SEPTIN11: variants seen among roughly 807,000 people sequenced by gnomAD.
The protein encoded by SEPTIN11 is septin-11.
SEPTIN11 carries 25 observed loss-of-function variants against 51.4 expected under a neutral mutation model. That is an observed-to-expected ratio of 0.49 (90% CI 0.35 to 0.68). The LOEUF (loss-of-function observed/expected upper bound fraction) is 0.68. SEPTIN11 is among the 30% of genes least tolerant of loss of function. SEPTIN11 has a pLI of 0.00. For synonymous variants in SEPTIN11, 174 were observed against 184.1 expected, an observed-to-expected ratio of 0.95 and a Z score of 0.44; for missense variants, 381 against 520.8, an observed-to-expected ratio of 0.73 and a Z score of 2.61.
At chr4:77,011,659 G>A (rs1724873828) in intron 3 of SEPTIN11, 76 bp from the exon 4 acceptor site, 7 of 1,378,982 alleles carry the variant, frequency 5.1e-6, no homozygotes, top group Non-Finnish European at 7.1e-6. Context: ...GAGAGAAGAA[G>A]CCATTGTGAT....
chr4:76,974,830 T>C, intron 1 of SEPTIN11: 1 of 456,614 alleles, frequency 2.2e-6, no homozygotes, highest in Non-Finnish European at 4.4e-6. Flanking sequence ...TTGTAAGAAA[T>C]GTGAGCGCTT....
intron 8 of SEPTIN11, among the ~76,000 whole-genome samples, chr4:77,029,467 C>T (rs542995385): frequency 1.3e-4 from 20 of 152,126 alleles, no homozygotes; most frequent in Admixed American, 5.9e-4. Context: ...TAAATTTCCT[C>T]GTTTTCTTGT....
downstream of SEPTIN11, chr4:77,039,841 CT>C: frequency 1.5e-6 from 1 of 650,126 alleles, no homozygotes; most frequent in Non-Finnish European, 1.9e-6. Flanking sequence ...ACTTGCATCC[CT>C]TATATAAGTT....
intron 1 of SEPTIN11, among the ~76,000 whole-genome samples, chr4:76,985,388 C>T (rs1047052637): frequency 1.6e-4 from 24 of 152,230 alleles, no homozygotes; most frequent in Admixed American, 6.5e-5. Flanking sequence ...TGATTCCCCT[C>T]CTCCCCCTAT....
Position 76,949,835 on chromosome 4 carries a change from C to G in SEPTIN11, c.-69C>G, listed in dbSNP as rs1721233345. The G allele has an allele frequency of 2.0e-6, 3 of 1,480,472 alleles. No homozygotes were observed. The Admixed American group carries it at 6.2e-5, about 31-fold the overall frequency. The allele number at this position is 1,480,472 out of a possible 1,614,324, so 91.7% of individuals were successfully genotyped here. A position where few individuals can be genotyped will look rare whatever the true frequency, so the allele number is the denominator to read the frequency against. On this transcript the variant is annotated 5_prime_UTR_variant, in exon 1 of 10. Transcript: ENST00000264893. ...GGCGCGAGGGAGGCGAGCCGGAGCCCGAGCACTAGCAGCAGCCGGAGTCGG... is the reference window on the plus strand; with the variant it reads ...GGCGCGAGGGAGGCGAGCCGGAGCCGGAGCACTAGCAGCAGCCGGAGTCGG...
chr4:76,960,849 A>T (rs1442468793), intron 1 of SEPTIN11, among the ~76,000 whole-genome samples: 2 of 152,192 alleles, frequency 1.3e-5, no homozygotes, highest in Non-Finnish European at 2.9e-5. Context: ...TGGAAAATGG[A>T]TCTCTTTGTC....
Position 77,030,771 on chromosome 4 carries a change from T to G in SEPTIN11, c.1087-12T>G, listed in dbSNP as rs757382983. 6.3e-7 allele frequency: 1 copy of G among 1,578,442 alleles called. No homozygotes were observed. Among genetic ancestry groups the G allele is most frequent in the South Asian group, 1.2e-5 (1 of 85,176 alleles). ...ATTCCATTCACCAAGCCTGTTTTCT[T>G]TTTCTCTCCAGCTTCACGAGAAGTT... On this transcript the variant is annotated splice_polypyrimidine_tract_variant and intron_variant, in intron 8 of 9. Coordinates refer to ENST00000264893, the MANE Select transcript of SEPTIN11 (RefSeq NM_018243.4).
rs376288572 is a variant in SEPTIN11 at position 77,020,717 on chromosome 4, G to A, written c.953+47G>A. 5 of 1,557,182 alleles carry A rather than the reference G, an allele frequency of 3.2e-6. No homozygotes were observed. In the East Asian group the frequency reaches 6.8e-5, roughly 21 times the overall value. ...AGGTGTCTCCCAGACAGTGGCGAGA[G>A]TGGCATGGTGGTACATCACAGAAAT... On this transcript the variant is annotated intron_variant, in intron 7 of 9. Coordinates refer to ENST00000264893, the MANE Select transcript of SEPTIN11 (RefSeq NM_018243.4).
intron 3 of SEPTIN11, among the ~76,000 whole-genome samples, chr4:77,011,129 A>G (rs1388321261): frequency 6.6e-6 from 1 of 152,162 alleles, no homozygotes; most frequent in Non-Finnish European, 1.5e-5. Flanking sequence ...TGGATTATGC[A>G]CAGGGCTATG....
intron 3 of SEPTIN11, among the ~76,000 whole-genome samples, chr4:77,010,576 T>G (rs1373503997): frequency 6.6e-6 from 1 of 152,148 alleles, no homozygotes; most frequent in Non-Finnish European, 1.5e-5. Flanking sequence ...TCAGTTTTGC[T>G]CATAAGTTTG....
At chr4:76,958,902 C>T (rs1420797273) in intron 1 of SEPTIN11, 1 of 1,475,134 alleles carries the variant, frequency 6.8e-7, no homozygotes, top group Non-Finnish European at 9.5e-7. Flanking sequence ...TTATTGGCCC[C>T]AGAAAATTCA....
intron 1 of SEPTIN11, among the ~76,000 whole-genome samples, chr4:76,958,061 A>G (rs4859470): frequency 0.64 from 97,906 of 152,078 alleles, 31,678 homozygotes; most frequent in African/African-American, 0.69. Flanking sequence ...TATATGTCCT[A>G]TACCCCCCAC....
At chr4:77,032,299 C>T (rs150138520) in intron 9 of SEPTIN11, 30 of 152,270 alleles carry the variant, frequency 2.0e-4, no homozygotes, top group African/African-American at 7.2e-4. Context: ...TTGGAGTTGG[C>T]ACAGATCCAA....
At chr4:76,969,367 T>A (rs1722153654) in intron 1 of SEPTIN11, among the ~76,000 whole-genome samples, 1 of 152,116 alleles carries the variant, frequency 6.6e-6, no homozygotes, top group Non-Finnish European at 1.5e-5. Context: ...CTAAATCGAA[T>A]CCACTGAATA....
rs1327743179 is a variant in SEPTIN11, at chr4:77,011,046, T to C, written c.339-689T>C. The stretch of plus-strand genomic sequence containing the variant: ...GAGGGTTACGACATTTACCTTTAAA[T>C]CATGAAGATTTTGAGTTGAAAGGAA... On this transcript the variant is annotated intron_variant, in intron 3 of 9. Transcript: ENST00000264893. Among the ~76,000 whole-genome samples, 5 of 152,204 alleles carry C rather than the reference T, an allele frequency of 3.3e-5. No homozygotes were observed. The East Asian group carries it at 9.6e-4, about 29-fold the overall frequency.
intron 2 of SEPTIN11, among the ~76,000 whole-genome samples, chr4:76,999,375 T>C (rs2109939352): frequency 6.6e-6 from 1 of 152,348 alleles, no homozygotes; most frequent in East Asian, 1.9e-4. Flanking sequence ...TTGGACGGCC[T>C]CGTAGAGGAG....
intron 1 of SEPTIN11, among the ~76,000 whole-genome samples, chr4:76,976,527 G>A (rs1474527361): frequency 6.6e-6 from 1 of 152,136 alleles, no homozygotes; most frequent in South Asian, 2.1e-4. Flanking sequence ...CTCGTTGGTT[G>A]TTCTCCTTTC....
intron 2 of SEPTIN11, 63 bp downstream of exon 2, chr4:76,996,602 G>T: frequency 1.7e-6 from 2 of 1,145,096 alleles, no homozygotes; most frequent in Non-Finnish European, 2.6e-6. Flanking sequence ...GTAACTGTCG[G>T]AGAGACATGC....
Position 77,019,250 on chromosome 4 carries a change from G to T in SEPTIN11, c.773G>T (p.Gly258Val). The part of the protein sequence containing the change: ...KMAKARQYPW[G>V]VVQVENENHC... ...GCAAAGGCCAGGCAGTACCCCTGGG[G>T]TGTGGTGCAGGGTATGTGCACAGCA... is the stretch of plus-strand genomic sequence containing the variant. Residue 258 changes from glycine to valine, a missense_variant, in exon 6 of 10, where the codon GGT (glycine) becomes GTT (valine). Gly to Val is a moderately radical substitution (Grantham distance 109). Transcript: ENST00000264893. 1 of 1,612,074 alleles carries T rather than the reference G, an allele frequency of 6.2e-7. No homozygotes were observed. Among genetic ancestry groups the T allele is most frequent in the Non-Finnish European group, 8.5e-7 (1 of 1,179,218 alleles).
Sources: allele counts gnomAD v4.1 joint callset (sites outside exome capture counted in the v4.1 genomes callset), GRCh38; gene constraint gnomAD v4.1.1; transcripts MANE v1.5; gene names NCBI Gene and HGNC (gene_info 2026-07-23, HGNC 2026-07-21).